The following ASPH variants were observed in gnomAD, a reference collection of about 807,000 sequenced individuals.
The protein encoded by ASPH is aspartate beta-hydroxylase.
In ASPH, 100 loss-of-function variants were observed where a neutral mutation model predicts 118.4. The observed-to-expected ratio is 0.84, with a 90% CI of 0.72 to 1.00. The LOEUF is 1.00. Ranked by LOEUF, ASPH falls within the 50% of genes least tolerant of loss-of-function variation. The pLI, the probability that ASPH is intolerant of heterozygous loss-of-function variation, is 0.00. For missense variants in ASPH, 920 were observed against 919.5 expected (o/e 1.00, Z -0.01); for synonymous variants, 315 against 325.6 (o/e 0.97, Z 0.35).
At chr8:61,602,884 T>C (rs980625659) in intron 14 of ASPH, among the ~76,000 whole-genome samples, 15 of 152,120 alleles carry the variant, frequency 9.9e-5, no homozygotes, top group Non-Finnish European at 1.8e-4. Context: ...ACCACAATAC[T>C]GTTACCATAT....
At chr8:61,698,745 A>G (rs1327733184) in intron 1 of ASPH, among the ~76,000 whole-genome samples, 1 of 152,182 alleles carries the variant, frequency 6.6e-6, no homozygotes, top group African/African-American at 2.4e-5. Flanking sequence ...GACACTCTTA[A>G]GACTCTGGGA....
At chr8:61,698,972 G>A (rs1318042480) in intron 1 of ASPH, among the ~76,000 whole-genome samples, 2 of 152,196 alleles carry the variant, frequency 1.3e-5, no homozygotes, top group African/African-American at 4.8e-5. Flanking sequence ...TTACTTCAGT[G>A]GGGTCTCCAG....
At chr8:61,664,728 G>A in intron 3 of ASPH, 1 of 986,138 alleles carries the variant, frequency 1.0e-6, no homozygotes, top group Non-Finnish European at 1.2e-6. Context: ...CCCCCTGAAA[G>A]GCTGCGGGAG....
At chr8:61,605,372 A>G (rs1426628167) in intron 14 of ASPH, among the ~76,000 whole-genome samples, 3 of 152,238 alleles carry the variant, frequency 2.0e-5, no homozygotes, top group African/African-American at 7.2e-5. Flanking sequence ...GCATGACACC[A>G]GCGACAAAGC....
In ASPH at chr8:61,622,564, T is replaced by C. The variant is rs1339745472; in HGVS notation, c.935-3545A>G. Among the ~76,000 whole-genome samples the C allele has an allele frequency of 2.0e-5, 3 of 152,334 alleles. No homozygotes were observed. In the East Asian group the frequency reaches 5.8e-4, roughly 29 times the overall value. On this transcript the variant is annotated intron_variant, in intron 13 of 24. Transcript: ENST00000379454. ...CCTAAGCACCCAGACTGACCAGTCC[T>C]CACGTCACAGCTTTCCAGTCTCCTT...
In ASPH at chr8:61,654,809, C is replaced by T. The variant is rs568805897; in HGVS notation, c.323-1149G>A. 1.9e-4 allele frequency among the ~76,000 whole-genome samples: 29 copies of T among 152,262 alleles called. No homozygotes were observed. The South Asian group carries it at 5.6e-3, about 29-fold the overall frequency. Reference sequence around the variant, plus strand: ...ACCACTAGTACACCTGACACCAACACATACAGTTGTGTTCTATACCTAAGT... The same window carrying T: ...ACCACTAGTACACCTGACACCAACATATACAGTTGTGTTCTATACCTAAGT... On this transcript the variant is annotated intron_variant, in intron 3 of 24. Transcript: ENST00000379454.
At chr8:61,605,739 T>C (rs746552882) in intron 14 of ASPH, among the ~76,000 whole-genome samples, 3 of 152,174 alleles carry the variant, frequency 2.0e-5, no homozygotes, top group African/African-American at 2.4e-5. Context: ...CACTTTAATC[T>C]AAAAACACAC....
chr8:61,662,873 G>T (rs1270941059), intron 3 of ASPH: 13 of 983,964 alleles, frequency 1.3e-5, no homozygotes, highest in African/African-American at 1.7e-5. Flanking sequence ...TGCTTTTGAT[G>T]ATTAGGTTAT....
At chr8:61,612,265 T>C (rs1262902740) in intron 14 of ASPH, among the ~76,000 whole-genome samples, 1 of 151,858 alleles carries the variant, frequency 6.6e-6, no homozygotes, top group Non-Finnish European at 1.5e-5. Flanking sequence ...CTTTACTAGA[T>C]GAGCTCAACA....
chr8:61,668,425 CTTAT>C (rs955355289), intron 3 of ASPH: 15 of 602,366 alleles, frequency 2.5e-5, no homozygotes, highest in East Asian at 6.2e-5. Context: ...CAATATCTCT[CTTAT>C]TTGTCACTTT....
At chr8:61,707,263 A>C (rs1836922806) in intron 1 of ASPH, among the ~76,000 whole-genome samples, 1 of 152,188 alleles carries the variant, frequency 6.6e-6, no homozygotes, top group African/African-American at 2.4e-5. Context: ...CTACCTATCA[A>C]TACTACAAAT....
chr8:61,711,140 T>G (rs1029623225), intron 1 of ASPH, among the ~76,000 whole-genome samples: 10 of 152,108 alleles, frequency 6.6e-5, no homozygotes, highest in East Asian at 5.8e-4. Context: ...GGGGGATATA[T>G]TCTACAGTGA....
rs1804744001 is a variant in ASPH, at chr8:61,500,830, T to C, written c.*2529A>G. 1 of 152,190 alleles carries C rather than the reference T, an allele frequency of 6.6e-6. No homozygotes were observed. Among genetic ancestry groups the C allele is most frequent in the African/African-American group, 2.4e-5 (1 of 41,458 alleles). The allele number at this position is 152,190 out of a possible 1,614,324, so 9.4% of individuals were successfully genotyped here. On this transcript the variant is annotated 3_prime_UTR_variant, in exon 25 of 25. Coordinates refer to ENST00000379454, the MANE Select transcript of ASPH (RefSeq NM_004318.4). Reference sequence around the variant, plus strand: ...GCAGTAAAATATGATTTTACATTATTTTAAATATTTGGGAGAGTTAATTTG... The same window carrying C: ...GCAGTAAAATATGATTTTACATTATCTTAAATATTTGGGAGAGTTAATTTG...
In ASPH at chr8:61,665,423, TTC is replaced by T. The variant is rs1819072878; in HGVS notation, c.323-11765_323-11764del. The T allele has an allele frequency of 1.9e-6, 3 of 1,603,902 alleles. No individual in the cohort carries two copies. The South Asian group carries it at 3.3e-5, about 18-fold the overall frequency. On this transcript the variant is annotated intron_variant, in intron 3 of 24. Transcript: ENST00000379454. ...TTTAGCACTTTTTTCTAGGTCCACTTTCTCTTTTTCTCTGTCCTTTTTACCCT... is the reference window on the plus strand; with the variant it reads ...TTTAGCACTTTTTTCTAGGTCCACTTTCTTTTTCTCTGTCCTTTTTACCCT...
At chr8:61,636,483 T>C (rs1857809989) in intron 12 of ASPH, among the ~76,000 whole-genome samples, 1 of 152,082 alleles carries the variant, frequency 6.6e-6, no homozygotes, top group Non-Finnish European at 1.5e-5. Context: ...ACAAGGTTGG[T>C]TGCTGTGAGA....
At chr8:61,662,189 A>G (rs1272497056) in intron 3 of ASPH, among the ~76,000 whole-genome samples, 2 of 152,182 alleles carry the variant, frequency 1.3e-5, no homozygotes, top group Non-Finnish European at 2.9e-5. Context: ...TCTCTTAACA[A>G]TGATTTTGCT....
chr8:61,587,327 A>T (rs1839775840), intron 14 of ASPH, among the ~76,000 whole-genome samples: 2 of 152,166 alleles, frequency 1.3e-5, no homozygotes, highest in South Asian at 4.1e-4. Context: ...ACACAGATTG[A>T]TGGTAGTAGG....
rs550850999 is a variant in ASPH, at chr8:61,513,969, G to T, written c.2126+3559C>A. ...ACCTACAAATGTGCTCCTGAGGCAG[G>T]TCTCCCAGCATCACTCCTGCATTTG... On this transcript the variant is annotated intron_variant, in intron 24 of 24. Transcript: ENST00000379454. Among the ~76,000 whole-genome samples the T allele has an allele frequency of 5.3e-5, 8 of 152,264 alleles. No homozygotes were observed. The South Asian group carries it at 1.2e-3, about 24-fold the overall frequency.
At chr8:61,546,051 T>C (rs1040667537) in intron 21 of ASPH, among the ~76,000 whole-genome samples, 2 of 152,146 alleles carry the variant, frequency 1.3e-5, no homozygotes, top group African/African-American at 4.8e-5. Context: ...TTCCCACCAA[T>C]AGAAGAGGGT....
Sources: gnomAD v4.1 joint callset for allele counts (sites outside exome capture counted in the v4.1 genomes callset) on GRCh38, gnomAD v4.1.1 for gene constraint, MANE v1.5 for transcripts, NCBI Gene and HGNC (gene_info 2026-07-23, HGNC 2026-07-21) for gene names.